RAG2: variants seen among roughly 807,000 people sequenced by gnomAD.
RAG2 encodes V(D)J recombination-activating protein 2.
In RAG2, 16 loss-of-function variants were observed where a neutral mutation model predicts 31.8. The observed-to-expected ratio is 0.50, with a 90% CI of 0.34 to 0.76. The LOEUF is 0.76. RAG2 is among the 30% of genes least tolerant of loss of function. The probability of loss-of-function intolerance (pLI) is 0.01; values close to 1 mark genes in which losing one functional copy is unlikely to be tolerated. For synonymous variants in RAG2, 199 were observed against 215.9 expected (o/e 0.92, Z 0.68); for missense variants, 622 against 628.5 (o/e 0.99, Z 0.11).
chr11:36,594,404 G>A (rs1463800301), intron 1 of RAG2: 6 of 573,626 alleles, frequency 1.0e-5, no homozygotes, highest in Non-Finnish European at 1.5e-5. Flanking sequence ...TTTTAGCCAC[G>A]GACTATATGC....
rs773710101 is a variant in RAG2, at chr11:36,592,840, C to T, written c.1329G>A (p.Met443Ile). ...FYSTELNKPAMIYCSHGDGHW... is the reference protein window; with the variant it reads ...FYSTELNKPAIIYCSHGDGHW... ...GCCCATCCCCATGAGAGCAGTAGATCATGGCGGGTTTGTTGAGCTCAGTTG... is the reference window on the plus strand; with the variant it reads ...GCCCATCCCCATGAGAGCAGTAGATTATGGCGGGTTTGTTGAGCTCAGTTG... The change falls in exon 2 of 2, where the codon ATG becomes ATA. Residue 443 changes from methionine (M) to isoleucine (I), a missense_variant. Coordinates refer to ENST00000311485, the MANE Select transcript of RAG2 (RefSeq NM_000536.4). 6.2e-7 allele frequency: 1 copy of T among 1,614,130 alleles called. No individual in the cohort carries two copies. Among genetic ancestry groups the T allele is most frequent in the Non-Finnish European group, 8.5e-7 (1 of 1,180,028 alleles).
chr11:36,593,325 G>T lies in RAG2; in HGVS notation c.844C>A (p.Gln282Lys), dbSNP rs1851073997. The T allele has an allele frequency of 5.0e-6, 8 of 1,613,892 alleles. No individual in the cohort carries two copies. The highest frequency in any genetic ancestry group is 6.8e-6 in the Non-Finnish European group (8 of 1,179,962). The change falls in exon 2 of 2, where the codon CAA becomes AAA. Residue 282 changes from glutamine (Q) to lysine (K), a missense_variant. By Grantham distance (53) the Gln-to-Lys change is moderately conservative. Coordinates refer to ENST00000311485, the MANE Select transcript of RAG2 (RefSeq NM_000536.4). The part of the protein sequence containing the change: ...VIVGGYQLEN[Q>K]KRMICNIISL... ...ATGATGTTGCAGATCATTCTTTTTT[G>T]ATTTTCAAGCTGATAGCCACCAACA...
intron 1 of RAG2, among the ~76,000 whole-genome samples, chr11:36,596,628 T>C (rs1380230295): frequency 6.6e-6 from 1 of 152,236 alleles, no homozygotes; most frequent in East Asian, 1.9e-4. Flanking sequence ...TGAGTGATTA[T>C]GATCAGAGAG....
intron 1 of RAG2, among the ~76,000 whole-genome samples, chr11:36,596,438 A>G (rs1851258716): frequency 6.6e-6 from 1 of 152,136 alleles, no homozygotes; most frequent in South Asian, 2.1e-4. Context: ...CCTCAGTTGT[A>G]TATTCAGCAA....
rs749407904 is a variant in RAG2, at chr11:36,593,754, C to T, written c.415G>A (p.Gly139Ser). 2 of 1,614,178 alleles carry T rather than the reference C, an allele frequency of 1.2e-6. No individual in the cohort carries two copies. Among genetic ancestry groups the T allele is most frequent in the Non-Finnish European group, 1.7e-6 (2 of 1,180,040 alleles). ...CTGTACACCACATTAATGGAATGAC[C>T]ATATCTGGCTTCAGGAACATCTCCT... Reference protein sequence around the residue: ...LVGDVPEARYGHSINVVYSRG... With the variant: ...LVGDVPEARYSHSINVVYSRG... Residue 139 changes from glycine (G) to serine (S), a missense_variant, in exon 2 of 2, where the codon GGT becomes AGT. Transcript: ENST00000311485.
chr11:36,592,840 C>G lies in RAG2; in HGVS notation c.1329G>C (p.Met443Ile). ...FYSTELNKPA[M>I]IYCSHGDGHW... ...GCCCATCCCCATGAGAGCAGTAGAT[C>G]ATGGCGGGTTTGTTGAGCTCAGTTG... Residue 443 changes from methionine to isoleucine, a missense_variant, in exon 2 of 2, where the codon ATG (methionine) becomes ATC (isoleucine). Met to Ile is a conservative substitution (Grantham distance 10, BLOSUM62 1). Transcript: ENST00000311485. The G allele has an allele frequency of 6.2e-7, 1 of 1,614,130 alleles. No homozygotes were observed. The highest frequency in any genetic ancestry group is 8.5e-7 in the Non-Finnish European group (1 of 1,180,028).
rs770988511 is a variant in RAG2, at chr11:36,592,784, G to C, written c.1385C>G (p.Ala462Gly). ...HWVHAQCMDLAERTLIHLSAG... is the reference protein window; with the variant it reads ...HWVHAQCMDLGERTLIHLSAG... ...TGACAGATGGATGAGTGTGCGTTCT[G>C]CCAGATCCATGCACTGAGCATGGAC... The change falls in exon 2 of 2, where the codon GCA becomes GGA. Residue 462 changes from alanine (A) to glycine (G), a missense_variant. Physicochemically the swap from Ala to Gly is moderately conservative, Grantham distance 60 (BLOSUM62 0). Transcript: ENST00000311485. The C allele has an allele frequency of 5.6e-6, 9 of 1,613,948 alleles. No individual in the cohort carries two copies. Among genetic ancestry groups the C allele is most frequent in the South Asian group, 1.1e-5 (1 of 91,072 alleles).
At position 36,593,553 on chromosome 11, in the gene RAG2, A is replaced by G; in HGVS notation, c.616T>C (p.Phe206Leu). The G allele has an allele frequency of 6.2e-7, 1 of 1,614,202 alleles. No individual in the cohort carries two copies. Among genetic ancestry groups the G allele is most frequent in the Non-Finnish European group, 8.5e-7 (1 of 1,180,016 alleles). Reference protein sequence around the residue: ...ILPELQDGLSFHVSIAKNDTI... With the variant: ...ILPELQDGLSLHVSIAKNDTI... ...TCATTTTTGGCAATAGAGACATGAA[A>G]AGATAGCCCATCCTGAAGTTCTGGA... Residue 206 changes from phenylalanine to leucine, a missense_variant, in exon 2 of 2, where the codon TTT (phenylalanine) becomes CTT (leucine). Coordinates refer to ENST00000311485, the MANE Select transcript of RAG2 (RefSeq NM_000536.4).
Position 36,593,653 on chromosome 11 carries a change from C to G in RAG2, c.516G>C (p.Trp172Cys), listed in dbSNP as rs1182932466. The G allele has an allele frequency of 1.2e-6, 2 of 1,614,010 alleles. No homozygotes were observed. The highest frequency in any genetic ancestry group is 1.7e-6 in the Non-Finnish European group (2 of 1,180,022). Residue 172 changes from tryptophan to cysteine, a missense_variant, in exon 2 of 2, where the codon TGG (tryptophan) becomes TGC (cysteine). Transcript: ENST00000311485. ...AGGGCAGGCAGTCAGCTACACTATT[C>G]CATTTTTCTGTGGTTCTGTGGGTAG... ...MPSTHRTTEKWNSVADCLPCV... is the reference protein window; with the variant it reads ...MPSTHRTTEKCNSVADCLPCV...
Position 36,593,080 on chromosome 11 carries a change from T to C in RAG2, c.1089A>G (p.Thr363=). 1 of 1,614,174 alleles carries C rather than the reference T, an allele frequency of 6.2e-7. No individual in the cohort carries two copies. The highest frequency in any genetic ancestry group is 8.5e-7 in the Non-Finnish European group (1 of 1,179,990). The part of the protein sequence containing the change: ...DDTNEEQTTF[T]NSQTSTEDPG... Reference sequence around the variant, plus strand: ...GATCTTCTGTTGATGTTTGACTGTTTGTGAATGTTGTCTGCTCTTCATTAG... The same window carrying C: ...GATCTTCTGTTGATGTTTGACTGTTCGTGAATGTTGTCTGCTCTTCATTAG... Residue 363 remains threonine (T), a synonymous_variant, in exon 2 of 2, where the codon ACA becomes ACG. Transcript: ENST00000311485.
chr11:36,593,165 T>G lies in RAG2; in HGVS notation c.1004A>C (p.Asn335Thr). Residue 335 changes from asparagine (N) to threonine (T), a missense_variant, in exon 2 of 2, where the codon AAT becomes ACT. Asn to Thr is a moderately conservative substitution (Grantham distance 65). Transcript: ENST00000311485. Reference protein sequence around the residue: ...GTVFLGIPGDNKQVVSEGFYF... With the variant: ...GTVFLGIPGDTKQVVSEGFYF... ...GAATCCTTCTGAAACAACTTGTTTA[T>G]TGTCTCCTGGTATGCCAAGAAAAAC... 2 of 1,614,216 alleles carry G rather than the reference T, an allele frequency of 1.2e-6. No individual in the cohort carries two copies. The highest frequency in any genetic ancestry group is 1.7e-6 in the Non-Finnish European group (2 of 1,180,044).
At chr11:36,594,411 A>G (rs1851120175) in intron 1 of RAG2, 4 of 560,190 alleles carry the variant, frequency 7.1e-6, no homozygotes, top group Non-Finnish European at 1.3e-5. Context: ...CACGGACTAT[A>G]TGCTCCCTAG....
chr11:36,595,717 C>T (rs752378959), intron 1 of RAG2, among the ~76,000 whole-genome samples: 45 of 152,312 alleles, frequency 3.0e-4, no homozygotes, highest in Non-Finnish European at 3.1e-4. Flanking sequence ...GTTGAATATA[C>T]GTAAAGTACT....
chr11:36,593,284 G>C lies in RAG2; in HGVS notation c.885C>G (p.Asn295Lys), dbSNP rs1851072257. 1 of 1,614,020 alleles carries C rather than the reference G, an allele frequency of 6.2e-7. No homozygotes were observed. Among genetic ancestry groups the C allele is most frequent in the Non-Finnish European group, 8.5e-7 (1 of 1,180,022 alleles). ...TCTCCATCTCACGAATTTCTATCTT[G>C]TTGTCCTCTAAAGAGATGATGTTGC... is the stretch of plus-strand genomic sequence containing the variant. ...MICNIISLED[N>K]KIEIREMETP... Residue 295 changes from asparagine (N) to lysine (K), a missense_variant, in exon 2 of 2, where the codon AAC (asparagine) becomes AAG (lysine). Physicochemically the swap from Asn to Lys is moderately conservative, Grantham distance 94. Transcript: ENST00000311485.
Position 36,592,016 on chromosome 11 carries a change from T to C in RAG2, c.*569A>G, listed in dbSNP as rs1332589931. On this transcript the variant is annotated 3_prime_UTR_variant, in exon 2 of 2. Coordinates refer to ENST00000311485, the MANE Select transcript of RAG2 (RefSeq NM_000536.4). ...CTATCTATATGTATACATATATTTA[T>C]ATTTATATCTACATCTGTAAAGCTA... is the stretch of plus-strand genomic sequence containing the variant. 2 of 155,496 alleles carry C rather than the reference T, an allele frequency of 1.3e-5. No individual in the cohort carries two copies. The highest frequency in any genetic ancestry group is 2.8e-5 in the Non-Finnish European group (2 of 70,314). The allele number at this position is 155,496 out of a possible 1,614,324, so 9.6% of individuals were successfully genotyped here.
chr11:36,593,753 C>G lies in RAG2; in HGVS notation c.416G>C (p.Gly139Ala). The part of the protein sequence containing the change: ...LVGDVPEARY[G>A]HSINVVYSRG... ...GCTGTACACCACATTAATGGAATGA[C>G]CATATCTGGCTTCAGGAACATCTCC... Residue 139 changes from glycine (G) to alanine (A), a missense_variant, in exon 2 of 2, where the codon GGT becomes GCT. Coordinates refer to ENST00000311485, the MANE Select transcript of RAG2 (RefSeq NM_000536.4). The G allele has an allele frequency of 6.2e-7, 1 of 1,614,198 alleles. No individual in the cohort carries two copies. Among genetic ancestry groups the G allele is most frequent in the Non-Finnish European group, 8.5e-7 (1 of 1,180,038 alleles).
In RAG2 at chr11:36,595,644, T is replaced by C. The variant is rs181864627; in HGVS notation, c.-27-1449A>G. 7.9e-5 allele frequency among the ~76,000 whole-genome samples: 12 copies of C among 152,380 alleles called. No homozygotes were observed. In the East Asian group the frequency reaches 2.1e-3, roughly 27 times the overall value. ...GTAACCTCTGTGTGCCTCAGTTTCC[T>C]CATCTGAAAACTGAGATAATAATTT... is the stretch of plus-strand genomic sequence containing the variant. On this transcript the variant is annotated intron_variant, in intron 1 of 1. Transcript: ENST00000311485.
chr11:36,592,663 C>T lies in RAG2; in HGVS notation c.1506G>A (p.Met502Ile). The change falls in exon 2 of 2, where the codon ATG becomes ATA. Residue 502 changes from methionine to isoleucine, a missense_variant. Met to Ile is a conservative substitution (Grantham distance 10). Transcript: ENST00000311485. ...QRVLPLKKPP[M>I]KSLRKKGSGK... ...CAGAACCTTTTTTACGGAGGGATTT[C>T]ATTGGAGGCTTTTTTAAGGGTAGGA... The T allele has an allele frequency of 1.9e-6, 3 of 1,614,110 alleles. No homozygotes were observed. Among genetic ancestry groups the T allele is most frequent in the Non-Finnish European group, 2.5e-6 (3 of 1,180,006 alleles).
chr11:36,591,339 T>A (rs1412337600), downstream of RAG2, among the ~76,000 whole-genome samples: 7 of 152,168 alleles, frequency 4.6e-5, no homozygotes, highest in Non-Finnish European at 1.0e-4. Context: ...ACTGTAGACT[T>A]TCAGTGAGGA....
Sources: gnomAD v4.1 joint callset for allele counts (sites outside exome capture counted in the v4.1 genomes callset) on GRCh38, gnomAD v4.1.1 for gene constraint, MANE v1.5 for transcripts, NCBI Gene and HGNC (gene_info 2026-07-23, HGNC 2026-07-21) for gene names.